Variants in MAPKAP1 observed in about 807,000 individuals in gnomAD.
The protein encoded by MAPKAP1 is target of rapamycin complex 2 subunit MAPKAP1.
MAPKAP1 carries 20 observed loss-of-function variants against 65.7 expected under a neutral mutation model. The ratio of observed to expected loss-of-function variants is 0.30; its 90% CI spans 0.21 to 0.44. The LOEUF is 0.44. Ranked by LOEUF, MAPKAP1 falls within the 20% of genes least tolerant of loss-of-function variation. MAPKAP1 has a pLI of 1.00. For synonymous variants in MAPKAP1, 222 were observed against 244.3 expected, an observed-to-expected ratio of 0.91 and a Z score of 0.85; for missense variants, 423 against 648.0, an observed-to-expected ratio of 0.65 and a Z score of 3.77.
intron 7 of MAPKAP1, chr9:125,513,270 T>C (rs1276312855): frequency 6.6e-6 from 1 of 152,210 alleles, no homozygotes; most frequent in Non-Finnish European, 1.5e-5. Context: ...AGGTAGGATA[T>C]AAGTGAATTA....
chr9:125,573,114 C>CA (rs1831290639), intron 5 of MAPKAP1: 1 of 121,942 alleles, frequency 8.2e-6, no homozygotes, highest in Non-Finnish European at 1.6e-5. Context: ...GGGGGGGGGA[C>CA]ATGAGAGGTG....
chr9:125,545,459 A>G (rs1830396209), intron 6 of MAPKAP1, among the ~76,000 whole-genome samples: 4 of 152,160 alleles, frequency 2.6e-5, no homozygotes, highest in Admixed American at 1.3e-4. Flanking sequence ...ATGTTGGGCG[A>G]TGGATGAGTA....
intron 1 of MAPKAP1, among the ~76,000 whole-genome samples, chr9:125,690,020 G>A (rs1263173839): frequency 2.0e-5 from 3 of 151,996 alleles, no homozygotes; most frequent in Non-Finnish European, 2.9e-5. Flanking sequence ...CCCAGGAGGC[G>A]GAGGCTACAG....
At chr9:125,642,501 G>A (rs1249216715) in intron 4 of MAPKAP1, among the ~76,000 whole-genome samples, 1 of 152,064 alleles carries the variant, frequency 6.6e-6, no homozygotes, top group African/African-American at 2.4e-5. Flanking sequence ...TTTCAACTAG[G>A]ACCACATTAT....
chr9:125,570,151 G>C (rs1208647854), intron 5 of MAPKAP1, among the ~76,000 whole-genome samples: 2 of 151,336 alleles, frequency 1.3e-5, no homozygotes, highest in Non-Finnish European at 2.9e-5. Flanking sequence ...AGATTACAAA[G>C]AAAGACATTT....
Position 125,621,276 on chromosome 9 carries a change from A to AAAAAAC in MAPKAP1, c.499-35555_499-35550dup, listed in dbSNP as rs1554832065. 1.2e-4 allele frequency among the ~76,000 whole-genome samples: 18 copies of AAAAAAC among 152,220 alleles called. No homozygotes were observed. The East Asian group carries it at 3.5e-3, about 29-fold the overall frequency. ...GCCAAAGCAAGACACTTTCTCAAAA[A>AAAAAAC]AAAAACAAAAACAAAAACAAACCAC... is the stretch of plus-strand genomic sequence containing the variant. On this transcript the variant is annotated intron_variant, in intron 4 of 11. Coordinates refer to ENST00000265960, the MANE Select transcript of MAPKAP1 (RefSeq NM_001006617.3).
intron 10 of MAPKAP1, among the ~76,000 whole-genome samples, chr9:125,463,282 T>C (rs4838264): frequency 0.28 from 43,142 of 152,172 alleles, 6,951 homozygotes; most frequent in Non-Finnish European, 0.37. Flanking sequence ...CTTACCTATG[T>C]CCTTCTGACC....
At chr9:125,671,562 AAT>A (rs1202419542) in intron 2 of MAPKAP1, among the ~76,000 whole-genome samples, 1 of 152,162 alleles carries the variant, frequency 6.6e-6, no homozygotes, top group East Asian at 1.9e-4. Context: ...TTAGAACTAC[AAT>A]ATGTATTCTA....
chr9:125,622,948 A>G (rs78718115), intron 4 of MAPKAP1, among the ~76,000 whole-genome samples: 48,196 of 151,950 alleles, frequency 0.32, 8,317 homozygotes, highest in Middle Eastern at 0.4. Context: ...CTGCGATTGC[A>G]GGCACGCGCC....
At chr9:125,553,678 C>G (rs1391619436) in intron 6 of MAPKAP1, among the ~76,000 whole-genome samples, 1 of 152,178 alleles carries the variant, frequency 6.6e-6, no homozygotes, top group African/African-American at 2.4e-5. Flanking sequence ...ACTACAATGG[C>G]AGTGCTGAGT....
intron 4 of MAPKAP1, among the ~76,000 whole-genome samples, chr9:125,600,108 A>G (rs918640161): frequency 6.6e-6 from 1 of 152,204 alleles, no homozygotes; most frequent in Non-Finnish European, 1.5e-5. Context: ...AAGTTTGATT[A>G]ATAGCCTCAA....
At chr9:125,537,190 T>C (rs917055113) in intron 7 of MAPKAP1, among the ~76,000 whole-genome samples, 9 of 152,230 alleles carry the variant, frequency 5.9e-5, no homozygotes, top group Admixed American at 5.9e-4. Context: ...GAAACTTGGG[T>C]ACATTTAACC....
At chr9:125,618,341 CAAAAAAAAAAAAAAAA>C (rs60166871) in intron 4 of MAPKAP1, among the ~76,000 whole-genome samples, 9 of 31,222 alleles carry the variant, frequency 2.9e-4, no homozygotes, top group African/African-American at 5.7e-4. Context: ...GGCTCCGTCT[CAAAAAAAAAAAAAAAA>C]AAAAAAAAAA....
chr9:125,534,501 T>C (rs959836501), intron 7 of MAPKAP1, among the ~76,000 whole-genome samples: 4 of 152,216 alleles, frequency 2.6e-5, no homozygotes, highest in African/African-American at 9.6e-5. Context: ...CATCCCTCCA[T>C]TTCCCGATGA....
At chr9:125,680,941 A>G (rs572320883) in intron 1 of MAPKAP1, among the ~76,000 whole-genome samples, 1 of 152,370 alleles carries the variant, frequency 6.6e-6, no homozygotes, top group South Asian at 2.1e-4. Context: ...AGGCAGAAAC[A>G]CAAGTGAAAC....
At chr9:125,610,257 A>G (rs114680209) in intron 4 of MAPKAP1, among the ~76,000 whole-genome samples, 1,704 of 152,308 alleles carry the variant, frequency 0.011, 41 homozygotes, top group African/African-American at 0.038. Flanking sequence ...CTATTTTACT[A>G]TAGGACTTGT....
chr9:125,496,636 G>A (rs1290648826), intron 8 of MAPKAP1, among the ~76,000 whole-genome samples: 1 of 152,162 alleles, frequency 6.6e-6, no homozygotes, highest in Admixed American at 6.5e-5. Context: ...GCAGGAGGAA[G>A]AATCAGCCCG....
intron 4 of MAPKAP1, among the ~76,000 whole-genome samples, chr9:125,618,255 T>A (rs1246529056): frequency 7.2e-6 from 1 of 137,982 alleles, no homozygotes; most frequent in Non-Finnish European, 1.5e-5. Flanking sequence ...GGCAGGACAA[T>A]CGCTTGAACC....
chr9:125,442,777 T>A lies in MAPKAP1; in HGVS notation c.1443+1724A>T, dbSNP rs115904719. Among the ~76,000 whole-genome samples the A allele has an allele frequency of 4.9e-3, 742 of 152,354 alleles. 5 individuals are homozygous for A. The highest frequency in any genetic ancestry group is 0.017 in the African/African-American group (702 of 41,580). ...TCATCCAGCTAATCATGCTACTCTGTCTGCTCCAAACTGTCCTTCCAGCTG... is the reference window on the plus strand; with the variant it reads ...TCATCCAGCTAATCATGCTACTCTGACTGCTCCAAACTGTCCTTCCAGCTG... On this transcript the variant is annotated intron_variant, in intron 11 of 11. Transcript: ENST00000265960.
Sources: allele counts gnomAD v4.1 joint callset (sites outside exome capture counted in the v4.1 genomes callset), GRCh38; gene constraint gnomAD v4.1.1; transcripts MANE v1.5; gene names NCBI Gene and HGNC (gene_info 2026-07-23, HGNC 2026-07-21).